The following PCNT variants were observed in gnomAD, a reference collection of about 807,000 sequenced individuals.
PCNT encodes kendrin.
A neutral mutation model predicts 380.4 loss-of-function variants in PCNT; 319 were observed. The observed-to-expected ratio is 0.84, with a 90% CI of 0.77 to 0.92. PCNT has a LOEUF of 0.92. Among genes scored for constraint, PCNT ranks in the 40% least tolerant of loss-of-function variants. The probability of loss-of-function intolerance (pLI) is 0.00; values close to 1 mark genes in which losing one functional copy is unlikely to be tolerated. For synonymous variants in PCNT, 1,845 were observed against 1,735.2 expected, an observed-to-expected ratio of 1.06 and a Z score of -1.57; for missense variants, 4,400 against 4,255.3, an observed-to-expected ratio of 1.03 and a Z score of -0.95.
chr21:46,416,894 C>G, intron 30 of PCNT, 55 bp downstream of exon 30: 1 of 1,546,844 alleles, frequency 6.5e-7, no homozygotes, highest in Non-Finnish European at 8.7e-7. Flanking sequence ...GTGGTCTGCC[C>G]GGCGCCACGG....
chr21:46,327,390 C>CT (rs1491043336), intron 2 of PCNT, among the ~76,000 whole-genome samples: 13 of 71,200 alleles, frequency 1.8e-4, no homozygotes, highest in Non-Finnish European at 3.2e-4. Flanking sequence ...TTTGGGTTTT[C>CT]TTTTTCTTTT....
rs2053728837 is a variant in PCNT, at chr21:46,445,459, C to T, written c.*132C>T. 2 of 788,970 alleles carry T rather than the reference C, an allele frequency of 2.5e-6. No individual in the cohort carries two copies. Among genetic ancestry groups the T allele is most frequent in the Non-Finnish European group, 4.6e-6 (2 of 435,020 alleles). The allele number at this position is 788,970 out of a possible 1,614,324, so 48.9% of individuals were successfully genotyped here. A position where few individuals can be genotyped will look rare whatever the true frequency, so the allele number is the denominator to read the frequency against. On this transcript the variant is annotated 3_prime_UTR_variant, in exon 47 of 47. Coordinates refer to ENST00000359568, the MANE Select transcript of PCNT (RefSeq NM_006031.6). ...TGCGGTGACACCAGCCCCCAGATGC[C>T]TTGAATTAAGTGTCCTCACCTTTAT...
chr21:46,402,276 A>G (rs1434641719), intron 26 of PCNT, 55 bp from the exon 27 acceptor site: 2 of 1,191,052 alleles, frequency 1.7e-6, no homozygotes, highest in Non-Finnish European at 2.4e-6. Context: ...AATTATTAAT[A>G]TTAATAGAAT....
At chr21:46,423,179 GTTTT>G (rs1308191379) in intron 32 of PCNT, among the ~76,000 whole-genome samples, 1 of 149,170 alleles carries the variant, frequency 6.7e-6, no homozygotes, top group Non-Finnish European at 1.5e-5. Context: ...TTTTTAATCA[GTTTT>G]TTATATCTTC....
At position 46,334,483 on chromosome 21, in the gene PCNT, G is replaced by C. The variant is rs375460394; in HGVS notation, c.354G>C (p.Gly118=). Residue 118 remains glycine (G), a synonymous_variant, in exon 3 of 47, where the codon GGG becomes GGC. Transcript: ENST00000359568. The part of the protein sequence containing the change: ...QVNDHPPEQC[G]MFTVSDHPPE... Reference sequence around the variant, plus strand: ...ATGACCATCCTCCAGAGCAGTGTGGGATGTTCACAGTCAGTGACCACCCAC... The same window carrying C: ...ATGACCATCCTCCAGAGCAGTGTGGCATGTTCACAGTCAGTGACCACCCAC... The C allele has an allele frequency of 1.2e-5, 20 of 1,612,814 alleles. No individual in the cohort carries two copies. Among genetic ancestry groups the C allele is most frequent in the Non-Finnish European group, 1.7e-5 (20 of 1,179,098 alleles).
chr21:46,411,776 C>T lies in PCNT; in HGVS notation c.5703C>T (p.Ile1901=). The stretch of plus-strand genomic sequence containing the variant: ...CCGTCCTGTTGGCCTTGGCCCGCAT[C>T]CGCCGCGCCCTGGAGCAGCAGCCCC... The part of the protein sequence containing the change: ...LEAVLLALAR[I]RRALEQQPLA... Residue 1901 remains isoleucine, a synonymous_variant, in exon 28 of 47, where the codon ATC becomes ATT. Transcript: ENST00000359568. 1 of 1,605,686 alleles carries T rather than the reference C, an allele frequency of 6.2e-7. No homozygotes were observed.
At chr21:46,402,537 C>G in intron 27 of PCNT, 54 bp downstream of exon 27, 1 of 1,591,782 alleles carries the variant, frequency 6.3e-7, no homozygotes, top group East Asian at 2.2e-5. Context: ...TATGCCGGTG[C>G]CGAGCGGCCA....
chr21:46,430,094 C>G lies in PCNT; in HGVS notation c.7775C>G (p.Ala2592Gly). ...QKTLSEEQEK[A>G]NSVQKLLAAE... ...ACGCTGAGTGAAGAGCAAGAGAAGG[C>G]AAACAGCGTGCAGAAGCTCCTGGCG... is the stretch of plus-strand genomic sequence containing the variant. Residue 2592 changes from alanine to glycine, a missense_variant, in exon 36 of 47, where the codon GCA (alanine) becomes GGA (glycine). Transcript: ENST00000359568. 4 of 1,614,218 alleles carry G rather than the reference C, an allele frequency of 2.5e-6. No individual in the cohort carries two copies. Among genetic ancestry groups the G allele is most frequent in the Non-Finnish European group, 3.4e-6 (4 of 1,180,014 alleles).
chr21:46,357,169 G>A lies in PCNT; in HGVS notation c.2132G>A (p.Arg711His), dbSNP rs377552545. Residue 711 changes from arginine to histidine, a missense_variant, in exon 13 of 47, where the codon CGT becomes CAT. Coordinates refer to ENST00000359568, the MANE Select transcript of PCNT (RefSeq NM_006031.6). ...TATGGGAAGTTGCAGCATGAAACTC[G>A]TCTGAAGGACGATTTGGAGAAGGTG... ...NLYGKLQHET[R>H]LKDDLEKVKH... is the part of the protein sequence containing the mutation. 2.9e-5 allele frequency: 46 copies of A among 1,612,572 alleles called. No individual in the cohort carries two copies. The highest frequency in any genetic ancestry group is 1.6e-4 in the African/African-American group (12 of 74,906).
Position 46,416,607 on chromosome 21 carries a change from TCAGGAAGGACTGGA to T in PCNT, c.6691_6704del (p.Arg2231ProfsTer63). ...TCTTCCTGGAGCTCCCCTGAGGTCC[TCAGGAAGGACTGGA>T]CCCTGGAGCCCTGGCCCAGCCTCCC... On this transcript the variant is annotated frameshift_variant, in exon 30 of 47. Transcript: ENST00000359568. LOFTEE classifies it high-confidence loss of function. 6.3e-7 allele frequency: 1 copy of T among 1,597,680 alleles called. No individual in the cohort carries two copies. The highest frequency in any genetic ancestry group is 8.5e-7 in the Non-Finnish European group (1 of 1,172,150).
rs772972838 is a variant in PCNT, at chr21:46,442,613, C to T, written c.9700+40C>T. ...GCTGTTGACCGCTGGACTCACAAAC[C>T]TTTCTTTCTACTCTTGTTTTTCATT... On this transcript the variant is annotated intron_variant, in intron 44 of 46. Transcript: ENST00000359568. 13 of 1,230,592 alleles carry T rather than the reference C, an allele frequency of 1.1e-5. No homozygotes were observed. The African/African-American group carries it at 1.6e-4, about 15-fold the overall frequency. The allele number at this position is 1,230,592 out of a possible 1,614,324, so 76.2% of individuals were successfully genotyped here.
At position 46,443,952 on chromosome 21, in the gene PCNT, A is replaced by G. The variant is rs2053681021; in HGVS notation, c.9839+4A>G. 1.2e-6 allele frequency: 2 copies of G among 1,611,588 alleles called. No homozygotes were observed. Among genetic ancestry groups the G allele is most frequent in the Non-Finnish European group, 1.7e-6 (2 of 1,179,600 alleles). On this transcript the variant is annotated splice_donor_region_variant and intron_variant, in intron 45 of 46. Transcript: ENST00000359568. ...CCTCCCCACACAGTGGGGGAAGGTC[A>G]GTGTGATGCCTTCAGGCCCCGTCTC... is the stretch of plus-strand genomic sequence containing the variant.
rs201802086 is a variant in PCNT, at chr21:46,326,603, A to G, written c.267+14A>G. On this transcript the variant is annotated intron_variant, in intron 2 of 46. Transcript: ENST00000359568. The stretch of plus-strand genomic sequence containing the variant: ...TTTGCAGCTCAGGTAGATTTGCTCA[A>G]TGTTGTATTTGAACATTTCGCTTAT... The G allele has an allele frequency of 3.2e-5, 52 of 1,609,824 alleles. No homozygotes were observed. Among genetic ancestry groups the G allele is most frequent in the Admixed American group, 6.7e-5 (4 of 60,004 alleles).
At chr21:46,396,471 C>A (rs561447050) in intron 21 of PCNT, among the ~76,000 whole-genome samples, 2 of 152,386 alleles carry the variant, frequency 1.3e-5, no homozygotes, top group Admixed American at 6.5e-5. Flanking sequence ...GGCATTAAAA[C>A]TGCTGTGAGG....
intron 3 of PCNT, among the ~76,000 whole-genome samples, chr21:46,341,480 A>G (rs2083908521): frequency 6.6e-6 from 1 of 151,840 alleles, no homozygotes; most frequent in Admixed American, 6.6e-5. Context: ...ACGTTTTAAT[A>G]TAATTTTTAT....
At chr21:46,395,291 G>A (rs1481055405) in intron 21 of PCNT, among the ~76,000 whole-genome samples, 1 of 152,178 alleles carries the variant, frequency 6.6e-6, no homozygotes, top group Non-Finnish European at 1.5e-5. Flanking sequence ...TAGTTTTTGG[G>A]TGGCTTAAAG....
chr21:46,394,488 A>G (rs2086142332), intron 21 of PCNT: 1 of 984,258 alleles, frequency 1.0e-6, no homozygotes. Context: ...CAGTAAACGC[A>G]AACTCTTGTT....
At chr21:46,418,388 T>G (rs1017305691) in intron 31 of PCNT, 82 bp downstream of exon 31, 10 of 893,222 alleles carry the variant, frequency 1.1e-5, no homozygotes, top group Non-Finnish European at 1.8e-5. Flanking sequence ...CCTGCATCCT[T>G]TGCCTGGTTC....
At position 46,411,567 on chromosome 21, in the gene PCNT, G is replaced by A. The variant is rs761051712; in HGVS notation, c.5494G>A (p.Glu1832Lys). 6 of 1,612,684 alleles carry A rather than the reference G, an allele frequency of 3.7e-6. No homozygotes were observed. Among genetic ancestry groups the A allele is most frequent in the Non-Finnish European group, 5.1e-6 (6 of 1,179,696 alleles). The change falls in exon 28 of 47, where the codon GAG becomes AAG. Residue 1832 changes from glutamate (E) to lysine (K), a missense_variant. Physicochemically the swap from Glu to Lys is moderately conservative, Grantham distance 56 (BLOSUM62 1). Transcript: ENST00000359568. The part of the protein sequence containing the change: ...QRLQGAEEAA[E>K]LQLAELERNV... ...CCTCCAGGGCGCAGAGGAGGCTGCG[G>A]AGCTACAGCTGGCTGAGCTGGAGCG...
Sources: gnomAD v4.1 joint callset for allele counts (sites outside exome capture counted in the v4.1 genomes callset) on GRCh38, gnomAD v4.1.1 for gene constraint, MANE v1.5 for transcripts, NCBI Gene and HGNC (gene_info 2026-07-23, HGNC 2026-07-21) for gene names.